Variants in TMEM132D observed in about 807,000 individuals in gnomAD.
The protein encoded by TMEM132D is transmembrane protein 132D, also known as mature OL transmembrane protein.
TMEM132D carries 21 observed loss-of-function variants against 62.3 expected under a neutral mutation model. The ratio of observed to expected loss-of-function variants is 0.34; its 90% confidence interval spans 0.24 to 0.49. The LOEUF is 0.49. TMEM132D is among the 20% of genes least tolerant of loss of function. TMEM132D has a pLI of 0.99. For missense variants in TMEM132D, 1,346 were observed against 1,402.8 expected, an observed-to-expected ratio of 0.96 and a Z score of 0.65; for synonymous variants, 621 against 575.6, an observed-to-expected ratio of 1.08 and a Z score of -1.13.
At chr12:129,162,996 C>G (rs1877443554) in intron 5 of TMEM132D, among the ~76,000 whole-genome samples, 1 of 152,158 alleles carries the variant, frequency 6.6e-6, no homozygotes, top group South Asian at 2.1e-4. Context: ...AACATTGACA[C>G]TGTGTGGCTG....
intron 1 of TMEM132D, among the ~76,000 whole-genome samples, chr12:129,810,619 C>T (rs1282732311): frequency 6.6e-6 from 1 of 151,856 alleles, no homozygotes; most frequent in Non-Finnish European, 1.5e-5. Context: ...GAAAGTAGAG[C>T]GGCCCCCAAA....
chr12:129,601,056 C>T lies in TMEM132D; in HGVS notation c.969-69851G>A, dbSNP rs76818410. Among the ~76,000 whole-genome samples the T allele has an allele frequency of 4.1e-4, 63 of 152,304 alleles. No homozygotes were observed. The East Asian group carries it at 8.7e-3, about 21-fold the overall frequency. ...CCAATAGAAGGCTGTGTCATTTACA[C>T]GGAAAATCTTTTATTTAGTGTAGGC... On this transcript the variant is annotated intron_variant, in intron 2 of 8. Coordinates refer to ENST00000422113, the MANE Select transcript of TMEM132D (RefSeq NM_133448.3).
At chr12:129,385,344 G>T (rs111912272) in intron 3 of TMEM132D, among the ~76,000 whole-genome samples, 2,374 of 152,082 alleles carry the variant, frequency 0.016, 67 homozygotes, top group African/African-American at 0.054. Flanking sequence ...GACCCCAGGT[G>T]ATCCGCCCAC....
intron 5 of TMEM132D, among the ~76,000 whole-genome samples, chr12:129,125,432 A>C (rs753829813): frequency 6.6e-6 from 1 of 151,992 alleles, no homozygotes; most frequent in African/African-American, 2.4e-5. Flanking sequence ...AACCCTGTGT[A>C]GACTAACACT....
intron 2 of TMEM132D, among the ~76,000 whole-genome samples, chr12:129,540,282 G>T (rs973462396): frequency 9.2e-5 from 14 of 152,012 alleles, no homozygotes; most frequent in Admixed American, 7.2e-4. Flanking sequence ...AGGGAGAAGG[G>T]GCTGCACACC....
chr12:129,263,554 C>G (rs1007042538), intron 4 of TMEM132D, among the ~76,000 whole-genome samples: 58 of 152,082 alleles, frequency 3.8e-4, no homozygotes, highest in African/African-American at 1.4e-3. Context: ...AGAGAAAGAT[C>G]TAAGGAGGCC....
rs149157374 is a variant in TMEM132D, at chr12:129,449,182, T to A, written c.1115+81877A>T. Among the ~76,000 whole-genome samples the A allele has an allele frequency of 9.3e-4, 142 of 152,324 alleles. 2 individuals are homozygous for A. In the East Asian group the frequency reaches 0.024, roughly 25 times the overall value. Reference sequence around the variant, plus strand: ...GGCTTTAGGAGCTCCAGAGTTCAAATGTGAGAGCAGTCACCGCATCAGTGT... The same window carrying A: ...GGCTTTAGGAGCTCCAGAGTTCAAAAGTGAGAGCAGTCACCGCATCAGTGT... On this transcript the variant is annotated intron_variant, in intron 3 of 8. Transcript: ENST00000422113.
intron 1 of TMEM132D, among the ~76,000 whole-genome samples, chr12:129,751,676 T>C (rs1033093647): frequency 2.0e-5 from 3 of 152,250 alleles, no homozygotes; most frequent in African/African-American, 7.2e-5. Context: ...CACTCTGTGA[T>C]AAACTGCAAA....
chr12:129,677,972 G>A (rs1011118137), intron 2 of TMEM132D, among the ~76,000 whole-genome samples: 1 of 151,836 alleles, frequency 6.6e-6, no homozygotes, highest in African/African-American at 2.4e-5. Context: ...TTATAATACA[G>A]AGATTGCTCA....
At chr12:129,520,580 G>A (rs925992079) in intron 3 of TMEM132D, among the ~76,000 whole-genome samples, 57 of 142,478 alleles carry the variant, frequency 4.0e-4, no homozygotes, top group African/African-American at 1.4e-3. Context: ...ATGTAGACAC[G>A]ATAAATATTG....
At chr12:129,465,278 G>C (rs1873846418) in intron 3 of TMEM132D, among the ~76,000 whole-genome samples, 3 of 152,074 alleles carry the variant, frequency 2.0e-5, no homozygotes, top group Admixed American at 2.0e-4. Context: ...GATAAATTAA[G>C]TATTGATGGG....
rs1274065843 is a variant in TMEM132D, at chr12:129,531,116, C to G, written c.1058G>C (p.Gly353Ala). 6.2e-7 allele frequency: 1 copy of G among 1,614,062 alleles called. No homozygotes were observed. Reference sequence around the variant, plus strand: ...AACGATGACAGCTGGTGCATACTTTCCAGTATAATCCGTGCGCTCCTTGAC... The same window carrying G: ...AACGATGACAGCTGGTGCATACTTTGCAGTATAATCCGTGCGCTCCTTGAC... ...WDVKERTDYT[G>A]KYAPAVIVCQ... Residue 353 changes from glycine (G) to alanine (A), a missense_variant, in exon 3 of 9, where the codon GGA (glycine) becomes GCA (alanine). Transcript: ENST00000422113.
At chr12:129,830,308 G>A (rs984824373) in intron 1 of TMEM132D, among the ~76,000 whole-genome samples, 7 of 152,116 alleles carry the variant, frequency 4.6e-5, no homozygotes, top group Non-Finnish European at 1.0e-4. Flanking sequence ...ATCCAGAAGA[G>A]CTGTGAAAGG....
intron 1 of TMEM132D, among the ~76,000 whole-genome samples, chr12:129,863,162 G>A (rs74817987): frequency 6.6e-6 from 1 of 152,148 alleles, no homozygotes; most frequent in Admixed American, 6.5e-5. Context: ...TTGGGCAAAA[G>A]TATAAATTAC....
chr12:129,207,148 C>T (rs11495004), intron 5 of TMEM132D, among the ~76,000 whole-genome samples: 1 of 152,032 alleles, frequency 6.6e-6, no homozygotes, highest in African/African-American at 2.4e-5. Context: ...AAACAAAAAA[C>T]CCCCCACTAC....
intron 2 of TMEM132D, among the ~76,000 whole-genome samples, chr12:129,687,170 A>G (rs769327989): frequency 6.6e-5 from 10 of 152,238 alleles, no homozygotes; most frequent in Middle Eastern, 3.4e-3. Flanking sequence ...TCTCTTCTGT[A>G]CTTGCAACAG....
At chr12:129,436,099 C>A (rs369508768) in intron 3 of TMEM132D, among the ~76,000 whole-genome samples, 8 of 152,122 alleles carry the variant, frequency 5.3e-5, no homozygotes, top group African/African-American at 1.9e-4. Context: ...AGGGTCGGAG[C>A]CACGGCAGCT....
chr12:129,540,609 C>T (rs1222127207), intron 2 of TMEM132D, among the ~76,000 whole-genome samples: 1 of 152,028 alleles, frequency 6.6e-6, no homozygotes, highest in Non-Finnish European at 1.5e-5. Context: ...CCTCAGTCTC[C>T]TGAGTAGCTG....
At chr12:129,678,432 C>G (rs1438333793) in intron 2 of TMEM132D, among the ~76,000 whole-genome samples, 1 of 152,054 alleles carries the variant, frequency 6.6e-6, no homozygotes, top group African/African-American at 2.4e-5. Context: ...TAGTTGTTGG[C>G]TATTTTTGTT....
Sources: allele counts gnomAD v4.1 joint callset (sites outside exome capture counted in the v4.1 genomes callset), GRCh38; gene constraint gnomAD v4.1.1; transcripts MANE v1.5; gene names NCBI Gene and HGNC (gene_info 2026-07-23, HGNC 2026-07-21).